The following SMARCC1 variants were observed in gnomAD, a reference collection of about 807,000 sequenced individuals.
The protein encoded by SMARCC1 is SWI/SNF complex subunit SMARCC1.
In SMARCC1, 43 loss-of-function variants were observed where a neutral mutation model predicts 147.4. That is an observed-to-expected ratio of 0.29 (90% confidence interval 0.23 to 0.38). The LOEUF (loss-of-function observed/expected upper bound fraction) is 0.38. SMARCC1 is among the 10% of genes least tolerant of loss of function. The probability of loss-of-function intolerance (pLI) is 1.00; values close to 1 mark genes in which losing one functional copy is unlikely to be tolerated. For synonymous variants in SMARCC1, 495 were observed against 484.4 expected, an observed-to-expected ratio of 1.02 and a Z score of -0.29; for missense variants, 1,119 against 1,381.1, an observed-to-expected ratio of 0.81 and a Z score of 3.01.
intron 6 of SMARCC1, among the ~76,000 whole-genome samples, chr3:47,721,170 T>C (rs923391730): frequency 1.3e-5 from 2 of 152,194 alleles, no homozygotes; most frequent in Non-Finnish European, 2.9e-5. Flanking sequence ...ATCTCATTGA[T>C]GAAAGTTTTA....
chr3:47,639,509 C>T (rs1482925930), intron 21 of SMARCC1, among the ~76,000 whole-genome samples: 1 of 152,090 alleles, frequency 6.6e-6, no homozygotes, highest in African/African-American at 2.4e-5. Flanking sequence ...GTCAGGAGTT[C>T]GAGACCAGCC....
chr3:47,706,151 C>CAA (rs781543710), intron 10 of SMARCC1, among the ~76,000 whole-genome samples: 2 of 134,300 alleles, frequency 1.5e-5, no homozygotes, highest in African/African-American at 2.7e-5. Flanking sequence ...TACTTAGATA[C>CAA]AAAAAAAAAA....
intron 7 of SMARCC1, among the ~76,000 whole-genome samples, chr3:47,718,182 C>A (rs2034182452): frequency 1.4e-5 from 2 of 143,348 alleles, no homozygotes; most frequent in Non-Finnish European, 3.0e-5. Context: ...CGGTGGCTCA[C>A]ACCTATAATC....
intron 21 of SMARCC1, among the ~76,000 whole-genome samples, chr3:47,660,398 A>G (rs1424069427): frequency 2.8e-5 from 4 of 145,212 alleles, no homozygotes; most frequent in African/African-American, 1.0e-4. Flanking sequence ...GTGAGCTGAG[A>G]TCGCGCCACT....
intron 18 of SMARCC1, among the ~76,000 whole-genome samples, chr3:47,671,804 T>G (rs1393033392): frequency 6.6e-6 from 1 of 152,178 alleles, no homozygotes; most frequent in Non-Finnish European, 1.5e-5. Flanking sequence ...TTTTGAGAGA[T>G]TACCATTTAA....
chr3:47,614,680 G>T (rs989560963), intron 25 of SMARCC1, among the ~76,000 whole-genome samples: 5 of 151,920 alleles, frequency 3.3e-5, no homozygotes, highest in Non-Finnish European at 7.4e-5. Context: ...CATATCTCAC[G>T]TGCATTAACC....
intron 6 of SMARCC1, among the ~76,000 whole-genome samples, chr3:47,726,061 C>CAAAA (rs546659321): frequency 1.8e-4 from 9 of 50,784 alleles, no homozygotes; most frequent in Admixed American, 6.0e-4. Context: ...GACTCTGTCT[C>CAAAA]AAAAAAAAAA....
intron 1 of SMARCC1, among the ~76,000 whole-genome samples, chr3:47,781,271 T>C (rs1177922582): frequency 1.3e-5 from 2 of 152,212 alleles, no homozygotes; most frequent in African/African-American, 4.8e-5. Context: ...GCTCGGTCTT[T>C]AGGGATCATT....
chr3:47,691,685 C>G (rs540515465), intron 12 of SMARCC1, among the ~76,000 whole-genome samples: 2 of 151,752 alleles, frequency 1.3e-5, no homozygotes, highest in Non-Finnish European at 2.9e-5. Context: ...TCCAAAATAC[C>G]CACTCGTATC....
chr3:47,781,405 A>G (rs745335594), intron 1 of SMARCC1, among the ~76,000 whole-genome samples, 198 bp downstream of exon 1: 66 of 152,284 alleles, frequency 4.3e-4, no homozygotes, highest in Non-Finnish European at 8.1e-4. Flanking sequence ...GGCTCAGAGG[A>G]GAGAGCCCCG....
rs749553090 is a variant in SMARCC1 at position 47,686,037 on chromosome 3, T to C, written c.1385+12A>G. The stretch of plus-strand genomic sequence containing the variant: ...TCAGTACCATGCTCACAGATGGAAG[T>C]GGTCCACTCACCAGTTATAATCAAA... On this transcript the variant is annotated intron_variant, in intron 14 of 27. Transcript: ENST00000254480. The C allele has an allele frequency of 5.6e-6, 9 of 1,612,270 alleles. No individual in the cohort carries two copies. In the East Asian group the frequency reaches 2.0e-4, roughly 36 times the overall value.
chr3:47,644,984 C>T (rs941379529), intron 21 of SMARCC1, among the ~76,000 whole-genome samples: 3 of 152,180 alleles, frequency 2.0e-5, no homozygotes, highest in South Asian at 2.1e-4. Context: ...TTTCTTCACT[C>T]TCTCACCTTC....
At chr3:47,732,157 T>C (rs2034381863) in intron 5 of SMARCC1, among the ~76,000 whole-genome samples, 1 of 152,240 alleles carries the variant, frequency 6.6e-6, no homozygotes, top group Non-Finnish European at 1.5e-5. Context: ...TTTTATGTTC[T>C]GAAAACGGCT....
chr3:47,750,420 C>T (rs981053603), intron 2 of SMARCC1, among the ~76,000 whole-genome samples: 2 of 151,944 alleles, frequency 1.3e-5, no homozygotes, highest in Non-Finnish European at 2.9e-5. Context: ...GGCGACAGAA[C>T]GAAACTCCAT....
chr3:47,585,836 G>T lies in SMARCC1; in HGVS notation c.*2373C>A, dbSNP rs2032062567. ...AGACCAGGTGGGGCCAAATGTTTAG[G>T]TTCTTCATAGGATATATGAAGAAAC... On this transcript the variant is annotated 3_prime_UTR_variant, in exon 28 of 28. Transcript: ENST00000254480. The T allele has an allele frequency of 6.6e-6, 1 of 152,464 alleles. No individual in the cohort carries two copies. The highest frequency in any genetic ancestry group is 2.4e-5 in the African/African-American group (1 of 41,432). The allele number at this position is 152,464 out of a possible 1,614,324, so 9.4% of individuals were successfully genotyped here.
chr3:47,680,425 C>A lies in SMARCC1; in HGVS notation c.1457+12G>T. 1 of 1,599,302 alleles carries A rather than the reference C, an allele frequency of 6.3e-7. No individual in the cohort carries two copies. Among genetic ancestry groups the A allele is most frequent in the Non-Finnish European group, 8.6e-7 (1 of 1,168,356 alleles). On this transcript the variant is annotated intron_variant, in intron 15 of 27. Coordinates refer to ENST00000254480, the MANE Select transcript of SMARCC1 (RefSeq NM_003074.4). ...AGGCAAATAAACAAGTTTTCTAAAACACTGGCCTCACATTTCTGGAGTCTT... is the reference window on the plus strand; with the variant it reads ...AGGCAAATAAACAAGTTTTCTAAAAAACTGGCCTCACATTTCTGGAGTCTT...
chr3:47,686,235 C>G, intron 13 of SMARCC1, 65 bp from the exon 14 acceptor site: 1 of 1,289,608 alleles, frequency 7.8e-7, no homozygotes, highest in Non-Finnish European at 1.1e-6. Flanking sequence ...TATAACATCT[C>G]TTACACTTCA....
intron 17 of SMARCC1, 109 bp downstream of exon 17, chr3:47,676,520 T>C (rs1392672730): frequency 2.6e-6 from 2 of 772,534 alleles, no homozygotes; most frequent in East Asian, 2.7e-5. Context: ...ATCAAAGAAA[T>C]AGCACTAATA....
intron 25 of SMARCC1, among the ~76,000 whole-genome samples, chr3:47,614,839 C>T (rs2032614881): frequency 6.6e-6 from 1 of 152,194 alleles, no homozygotes; most frequent in South Asian, 2.1e-4. Context: ...TTTCACATTT[C>T]AGAGTAAAGC....
Sources: allele counts gnomAD v4.1 joint callset (sites outside exome capture counted in the v4.1 genomes callset), GRCh38; gene constraint gnomAD v4.1.1; transcripts MANE v1.5; gene names NCBI Gene and HGNC (gene_info 2026-07-23, HGNC 2026-07-21).